The following BANP variants were observed in gnomAD, a reference collection of about 807,000 sequenced individuals.
BANP encodes BTG3 associated nuclear protein.
A neutral mutation model predicts 68.1 loss-of-function variants in BANP; 11 were observed. The ratio of observed to expected loss-of-function variants is 0.16; its 90% CI spans 0.10 to 0.27. The LOEUF (loss-of-function observed/expected upper bound fraction) is 0.27. Among genes scored for constraint, BANP ranks in the 10% least tolerant of loss-of-function variants. The probability of loss-of-function intolerance (pLI) is 1.00; values close to 1 mark genes in which losing one functional copy is unlikely to be tolerated. For synonymous variants in BANP, 329 were observed against 303.2 expected, an observed-to-expected ratio of 1.09 and a Z score of -0.88; for missense variants, 504 against 722.7, an observed-to-expected ratio of 0.70 and a Z score of 3.47.
chr16:88,046,251 T>C (rs1278443915), intron 11 of BANP, among the ~76,000 whole-genome samples: 1 of 152,246 alleles, frequency 6.6e-6, no homozygotes, highest in Non-Finnish European at 1.5e-5. Context: ...TGTGTGATTT[T>C]AGAGATACTG....
At chr16:87,950,848 G>A (rs929818532), upstream of BANP, 2 of 152,324 alleles carry the variant, frequency 1.3e-5, no homozygotes, top group Non-Finnish European at 2.9e-5. Context: ...GATAGACACT[G>A]GGGACCCCTG....
chr16:87,976,615 C>A (rs1293945772), intron 2 of BANP, among the ~76,000 whole-genome samples: 1 of 151,836 alleles, frequency 6.6e-6, no homozygotes, highest in Non-Finnish European at 1.5e-5. Context: ...GAAATGCTCA[C>A]AATTTATTCC....
At chr16:87,999,312 T>G (rs2068398349) in intron 4 of BANP, among the ~76,000 whole-genome samples, 1 of 140,492 alleles carries the variant, frequency 7.1e-6, no homozygotes, top group Non-Finnish European at 1.5e-5. Flanking sequence ...TTACCAGGCC[T>G]TCCAGACACG....
chr16:88,027,725 C>G (rs1456986944), intron 8 of BANP, 75 bp downstream of exon 8: 2 of 1,556,500 alleles, frequency 1.3e-6, no homozygotes, highest in Non-Finnish European at 1.8e-6. Context: ...TCAGGGGCAG[C>G]CAGTGCGTGG....
At chr16:87,977,119 A>C (rs1417546410) in intron 2 of BANP, among the ~76,000 whole-genome samples, 1 of 152,166 alleles carries the variant, frequency 6.6e-6, no homozygotes, top group Non-Finnish European at 1.5e-5. Flanking sequence ...TATTTGTTAA[A>C]AGCCTACTGT....
chr16:88,008,217 T>TCTGGG (rs2071847364), intron 6 of BANP, among the ~76,000 whole-genome samples: 1 of 152,226 alleles, frequency 6.6e-6, no homozygotes, highest in African/African-American at 2.4e-5. Flanking sequence ...TGTTGATCCA[T>TCTGGG]CATCAGTTGA....
intron 4 of BANP, among the ~76,000 whole-genome samples, chr16:87,990,534 T>C (rs1257085856): frequency 1.3e-5 from 2 of 152,220 alleles, no homozygotes; most frequent in African/African-American, 4.8e-5. Context: ...TTTTGGGTCA[T>C]TGATATTCTC....
chr16:88,046,971 C>G (rs1248735893), intron 11 of BANP, among the ~76,000 whole-genome samples: 1 of 151,688 alleles, frequency 6.6e-6, no homozygotes, highest in Non-Finnish European at 1.5e-5. Flanking sequence ...GAGGCTGAGG[C>G]AAGAGAATGG....
At chr16:87,951,675 G>A (rs2056895326) in intron 1 of BANP, among the ~76,000 whole-genome samples, 160 bp downstream of exon 1, 1 of 148,092 alleles carries the variant, frequency 6.8e-6, no homozygotes, top group Admixed American at 6.7e-5. Context: ...ATCGCCCCCC[G>A]GGCCCCGCTC....
chr16:88,061,825 C>G (rs1007731261), intron 11 of BANP, among the ~76,000 whole-genome samples: 2 of 152,046 alleles, frequency 1.3e-5, no homozygotes, highest in Non-Finnish European at 2.9e-5. Flanking sequence ...ACCACCATGC[C>G]CGGCTAATTT....
intron 1 of BANP, among the ~76,000 whole-genome samples, chr16:87,974,721 C>T (rs1456825015): frequency 6.6e-6 from 1 of 152,080 alleles, no homozygotes; most frequent in Admixed American, 6.6e-5. Flanking sequence ...TCAGGCCCCA[C>T]TGGAGACTTG....
chr16:88,036,357 C>G lies in BANP; in HGVS notation c.1272+963C>G, dbSNP rs564715705. Reference sequence around the variant, plus strand: ...TCAAGGGGACTCATGGAGATGTTGGCGTGCGAGGCCTCCTGGGAGCTCATG... The same window carrying G: ...TCAAGGGGACTCATGGAGATGTTGGGGTGCGAGGCCTCCTGGGAGCTCATG... On this transcript the variant is annotated intron_variant, in intron 10 of 13. Coordinates refer to ENST00000682872, the MANE Select transcript of BANP (RefSeq NM_001386991.1). This position sits in a 1 kb window ranked among gnomAD's most constrained non-coding sequence, Gnocchi z 4.2. Among the ~76,000 whole-genome samples, 1 of 152,118 alleles carries G rather than the reference C, an allele frequency of 6.6e-6. No individual in the cohort carries two copies. Among genetic ancestry groups the G allele is most frequent in the South Asian group, 2.1e-4 (1 of 4,818 alleles).
At chr16:88,028,488 C>T (rs1164691039) in intron 8 of BANP, among the ~76,000 whole-genome samples, 6 of 152,188 alleles carry the variant, frequency 3.9e-5, no homozygotes, top group Admixed American at 2.6e-4. Flanking sequence ...ATCAGATACT[C>T]GGCCTCAGCT....
intron 8 of BANP, 99 bp downstream of exon 8, chr16:88,027,749 C>A: frequency 7.0e-7 from 1 of 1,425,062 alleles, no homozygotes; most frequent in South Asian, 1.2e-5. Flanking sequence ...GCGGCTCCAC[C>A]AGTGGCCGGG....
At chr16:87,991,426 T>C (rs2065878235) in intron 4 of BANP, among the ~76,000 whole-genome samples, 1 of 152,246 alleles carries the variant, frequency 6.6e-6, no homozygotes, top group Non-Finnish European at 1.5e-5. Flanking sequence ...ACTTCTCTAG[T>C]TTTAGAATAA....
In BANP at chr16:87,957,154, G is replaced by T. The variant is rs2058224100; in HGVS notation, c.-69+5639G>T. 6.6e-6 allele frequency: 1 copy of T among 152,230 alleles called. No homozygotes were observed. Among genetic ancestry groups the T allele is most frequent in the Non-Finnish European group, 1.5e-5 (1 of 68,062 alleles). The allele number at this position is 152,230 out of a possible 1,614,324, so 9.4% of individuals were successfully genotyped here. On this transcript the variant is annotated intron_variant, in intron 1 of 13. Coordinates refer to ENST00000682872, the MANE Select transcript of BANP (RefSeq NM_001386991.1). The surrounding 1 kb of genome is among the most constrained non-coding windows in gnomAD (Gnocchi z 4.3). ...TTCTGGATCGTCAGCGTTCACGGTG[G>T]AGCAGACTCCACGACTCGCTGCTCC... is the stretch of plus-strand genomic sequence containing the variant.
intron 6 of BANP, among the ~76,000 whole-genome samples, chr16:88,009,675 G>C (rs2082127627): frequency 1.3e-5 from 2 of 151,520 alleles, no homozygotes; most frequent in South Asian, 4.2e-4. Context: ...TTGAAAGCAT[G>C]GAACAGTAGA....
At chr16:88,019,112 G>A (rs1357282567) in intron 7 of BANP, among the ~76,000 whole-genome samples, 3 of 152,202 alleles carry the variant, frequency 2.0e-5, no homozygotes, top group African/African-American at 7.2e-5. Context: ...CCGTGCCAGG[G>A]CCTCAGCGCT....
intron 4 of BANP, among the ~76,000 whole-genome samples, chr16:87,996,262 C>G (rs1326791498): frequency 6.6e-6 from 1 of 152,246 alleles, no homozygotes; most frequent in African/African-American, 2.4e-5. Flanking sequence ...GAGACCGGGA[C>G]CCACCTGGCG....
Sources: gnomAD v4.1 joint callset for allele counts (sites outside exome capture counted in the v4.1 genomes callset) on GRCh38, gnomAD v4.1.1 for gene constraint, Gnocchi (gnomAD v3.1) non-coding constraint, MANE v1.5 for transcripts, NCBI Gene and HGNC (gene_info 2026-07-23, HGNC 2026-07-21) for gene names.